BAZ1A: variants seen among roughly 807,000 people sequenced by gnomAD.
BAZ1A encodes the protein bromodomain adjacent to zinc finger domain 1A, also known as bromodomain adjacent to zinc finger domain protein 1A.
In BAZ1A, 50 loss-of-function variants were observed where a neutral mutation model predicts 185.2. The observed-to-expected ratio is 0.27, with a 90% confidence interval of 0.22 to 0.34. The LOEUF (loss-of-function observed/expected upper bound fraction) is 0.34. Ranked by LOEUF, BAZ1A falls within the 10% of genes least tolerant of loss-of-function variation. BAZ1A has a pLI of 1.00. For synonymous variants in BAZ1A, 571 were observed against 615.6 expected (o/e 0.93, Z 1.07); for missense variants, 1,356 against 1,839.9 (o/e 0.74, Z 4.81).
rs543336135 is a variant in BAZ1A at position 34,784,249 on chromosome 14, T to A, written c.1832-322A>T. ...TGGATGTGGTGGTATGTGCCTGTAG[T>A]CCCAGCTGCTTGGGAGGCTGAGGTT... is the stretch of plus-strand genomic sequence containing the variant. On this transcript the variant is annotated intron_variant, in intron 14 of 26. Coordinates refer to ENST00000360310, the MANE Select transcript of BAZ1A (RefSeq NM_013448.3). Among the ~76,000 whole-genome samples, 256 of 150,932 alleles carry A rather than the reference T, an allele frequency of 1.7e-3. 1 individual carries two copies. Among genetic ancestry groups the A allele is most frequent in the Non-Finnish European group, 1.6e-3 (109 of 67,846 alleles).
At position 34,874,750 on chromosome 14, in the gene BAZ1A, G is replaced by T. The variant is rs975855624; in HGVS notation, c.-58-88C>A. 1.7e-6 allele frequency: 1 copy of T among 594,874 alleles called. No individual in the cohort carries two copies. Among genetic ancestry groups the T allele is most frequent in the African/African-American group, 2.0e-5 (1 of 50,340 alleles). 36.8% of individuals were successfully genotyped at this position (594,874 alleles called of 1,614,324 possible). ...CGGTCCGCGCGCTGGGAGAAGCTCGGCTGCCTTTTGTGTGACTGACGCGCC... is the reference window on the plus strand; with the variant it reads ...CGGTCCGCGCGCTGGGAGAAGCTCGTCTGCCTTTTGTGTGACTGACGCGCC... On this transcript the variant is annotated intron_variant, in intron 1 of 26. Coordinates refer to ENST00000360310, the MANE Select transcript of BAZ1A (RefSeq NM_013448.3). This position sits in a 1 kb window ranked among gnomAD's most constrained non-coding sequence, Gnocchi z 4.7.
At chr14:34,802,576 A>C (rs1881623061) in intron 7 of BAZ1A, among the ~76,000 whole-genome samples, 1 of 152,228 alleles carries the variant, frequency 6.6e-6, no homozygotes, top group Non-Finnish European at 1.5e-5. Flanking sequence ...CCCATAGTTT[A>C]TTCCCTGCTT....
intron 9 of BAZ1A, among the ~76,000 whole-genome samples, chr14:34,798,647 T>C (rs1485580924): frequency 6.6e-6 from 1 of 152,180 alleles, no homozygotes; most frequent in Non-Finnish European, 1.5e-5. Flanking sequence ...TGCTCATCAC[T>C]GGTCATCAGA....
chr14:34,773,407 T>G (rs1879359712), intron 20 of BAZ1A, among the ~76,000 whole-genome samples, 165 bp downstream of exon 20: 1 of 151,698 alleles, frequency 6.6e-6, no homozygotes, highest in Non-Finnish European at 1.5e-5. Flanking sequence ...ACAGAGATCC[T>G]GAGGTTTAGA....
intron 4 of BAZ1A, among the ~76,000 whole-genome samples, chr14:34,812,984 A>T (rs2041950737): frequency 6.6e-6 from 1 of 152,154 alleles, no homozygotes; most frequent in Admixed American, 6.5e-5. Context: ...ATTAAAGTTT[A>T]TTACCAAGTT....
At chr14:34,841,108 C>T (rs1033286135) in intron 3 of BAZ1A, among the ~76,000 whole-genome samples, 5 of 152,030 alleles carry the variant, frequency 3.3e-5, no homozygotes, top group Non-Finnish European at 7.3e-5. Flanking sequence ...GCCATCATGC[C>T]CTGCTAATTT....
At chr14:34,866,901 T>G (rs993932647) in intron 2 of BAZ1A, among the ~76,000 whole-genome samples, 25 of 151,946 alleles carry the variant, frequency 1.6e-4, no homozygotes, top group Non-Finnish European at 1.8e-4. Context: ...CACAAAATAA[T>G]TTCATTTCAA....
chr14:34,770,780 T>C (rs2138572764), intron 21 of BAZ1A, among the ~76,000 whole-genome samples: 1 of 152,334 alleles, frequency 6.6e-6, no homozygotes, highest in African/African-American at 2.4e-5. Flanking sequence ...CTATAAATTA[T>C]AGAGCATTTC....
At chr14:34,783,702 G>A (rs1880207641) in intron 15 of BAZ1A, 60 bp downstream of exon 15, 1 of 1,559,118 alleles carries the variant, frequency 6.4e-7, no homozygotes, top group Non-Finnish European at 8.7e-7. Flanking sequence ...GTGAAATATG[G>A]TTTTAAATGC....
At chr14:34,792,265 AT>A (rs1383631352) in intron 12 of BAZ1A, among the ~76,000 whole-genome samples, 3 of 152,002 alleles carry the variant, frequency 2.0e-5, no homozygotes, top group Non-Finnish European at 4.4e-5. Flanking sequence ...GGGCGTCTGT[AT>A]CCCAGCTACT....
At position 34,786,231 on chromosome 14, in the gene BAZ1A, A is replaced by G. The variant is rs1353986924; in HGVS notation, c.1511-10T>C. 6.2e-7 allele frequency: 1 copy of G among 1,600,036 alleles called. No homozygotes were observed. Among genetic ancestry groups the G allele is most frequent in the Admixed American group, 1.7e-5 (1 of 57,222 alleles). ...AAAGCCTCTGTTAAATCTTTAAGGA[A>G]ATAAATACTTTATTCTAGTGCAAAT... On this transcript the variant is annotated splice_polypyrimidine_tract_variant and intron_variant, in intron 12 of 26. Transcript: ENST00000360310.
At chr14:34,794,243 T>A (rs1881054643) in intron 11 of BAZ1A, among the ~76,000 whole-genome samples, 1 of 152,242 alleles carries the variant, frequency 6.6e-6, no homozygotes, top group Non-Finnish European at 1.5e-5. Flanking sequence ...GATCCAAATC[T>A]TTCCTTATAC....
intron 6 of BAZ1A, 29 bp from the exon 7 acceptor site, chr14:34,803,017 T>C: frequency 6.3e-7 from 1 of 1,576,964 alleles, no homozygotes. Context: ...TAGGGTACAA[T>C]AATAACACAT....
intron 3 of BAZ1A, among the ~76,000 whole-genome samples, chr14:34,830,299 C>CA (rs1019477462): frequency 1.2e-3 from 172 of 139,478 alleles, no homozygotes; most frequent in Middle Eastern, 7.1e-3. Context: ...TATTATCCAG[C>CA]AAAAAAAAAA....
In BAZ1A at chr14:34,794,827, G is replaced by A. The variant is rs145022216; in HGVS notation, c.1285C>T (p.Leu429=). The A allele has an allele frequency of 5.7e-4, 922 of 1,614,140 alleles. 3 individuals are homozygous for A. In the Middle Eastern group the frequency reaches 6.9e-3, roughly 12 times the overall value. ...GCATTAAGGAACTCCAAAACCATCA[G>A]AGCATCACCAAAGATTTCAGGAGGT... The part of the protein sequence containing the change: ...RLPPEIFGDA[L]MVLEFLNAFG... Residue 429 remains leucine, a synonymous_variant, in exon 11 of 27, where the codon CTG becomes TTG. Coordinates refer to ENST00000360310, the MANE Select transcript of BAZ1A (RefSeq NM_013448.3).
At chr14:34,815,947 T>G (rs1006815461) in intron 4 of BAZ1A, among the ~76,000 whole-genome samples, 1 of 152,122 alleles carries the variant, frequency 6.6e-6, no homozygotes, top group African/African-American at 2.4e-5. Context: ...AGCAAAACAA[T>G]TAGGTCTGCT....
chr14:34,875,052 C>G (rs1180636657), intron 1 of BAZ1A, 86 bp downstream of exon 1: 2 of 264,040 alleles, frequency 7.6e-6, no homozygotes, highest in African/African-American at 4.8e-5. Context: ...GCGCTCGCCG[C>G]GGGCGGACCC....
chr14:34,778,659 T>C (rs1222092511), intron 17 of BAZ1A, among the ~76,000 whole-genome samples: 2 of 152,216 alleles, frequency 1.3e-5, no homozygotes, highest in African/African-American at 2.4e-5. Context: ...TATTTTTGCA[T>C]ACATTTTCAA....
At chr14:34,805,634 T>A (rs61981237) in intron 6 of BAZ1A, among the ~76,000 whole-genome samples, 2 of 152,004 alleles carry the variant, frequency 1.3e-5, no homozygotes, top group Admixed American at 1.3e-4. Flanking sequence ...GATAATGCTA[T>A]AGACAGAGCA....
Sources: allele counts gnomAD v4.1 joint callset (sites outside exome capture counted in the v4.1 genomes callset), GRCh38; gene constraint gnomAD v4.1.1; non-coding constraint Gnocchi (gnomAD v3.1); transcripts MANE v1.5; gene names NCBI Gene and HGNC (gene_info 2026-07-23, HGNC 2026-07-21).